BCR: variants seen among roughly 807,000 people sequenced by gnomAD.
BCR encodes breakpoint cluster region protein.
In BCR, 58 loss-of-function variants were observed where a neutral mutation model predicts 138.6. That is an observed-to-expected ratio of 0.42 (90% CI 0.34 to 0.52). BCR has a LOEUF of 0.52. Among genes scored for constraint, BCR ranks in the 20% least tolerant of loss-of-function variants. The probability of loss-of-function intolerance (pLI) is 0.06; values close to 1 mark genes in which losing one functional copy is unlikely to be tolerated. For synonymous variants in BCR, 786 were observed against 730.1 expected (o/e 1.08, Z -1.23); for missense variants, 1,599 against 1,727.2 (o/e 0.93, Z 1.32).
intron 13 of BCR, chr22:23,289,868 A>G (rs770851550): frequency 1.4e-5 from 8 of 559,226 alleles, no homozygotes; most frequent in Admixed American, 9.4e-5. Context: ...TCCTAGTCAC[A>G]AGGCTGCAGC....
chr22:23,252,405 G>A (rs569026429), intron 1 of BCR, among the ~76,000 whole-genome samples: 1 of 151,266 alleles, frequency 6.6e-6, no homozygotes, highest in African/African-American at 2.4e-5. Flanking sequence ...TAACATTTTG[G>A]GTTTCCCTTT....
chr22:23,199,641 G>A (rs74514416), intron 1 of BCR, among the ~76,000 whole-genome samples: 4,600 of 152,258 alleles, frequency 0.03, 250 homozygotes, highest in African/African-American at 0.11. Flanking sequence ...GGACTGGGGT[G>A]CCCTGTCTCC....
chr22:23,296,844 C>T lies in BCR; in HGVS notation c.3012+1689C>T, dbSNP rs1433343609. On this transcript the variant is annotated intron_variant, in intron 16 of 22. Transcript: ENST00000305877. Reference sequence around the variant, plus strand: ...GTCCCACTGCACTGTCTTGTTCACTCTGCCAGCCTTTGTGTGGATTCTCAT... The same window carrying T: ...GTCCCACTGCACTGTCTTGTTCACTTTGCCAGCCTTTGTGTGGATTCTCAT... Among the ~76,000 whole-genome samples, 3 of 152,382 alleles carry T rather than the reference C, an allele frequency of 2.0e-5. No homozygotes were observed. The South Asian group carries it at 6.2e-4, about 32-fold the overall frequency.
chr22:23,199,275 C>G (rs767957712), intron 1 of BCR: 2 of 518,846 alleles, frequency 3.9e-6, no homozygotes, highest in East Asian at 1.1e-4. Context: ...CAGGAAGGCT[C>G]TAGAAAGGAA....
chr22:23,290,283 C>T, intron 13 of BCR, 56 bp from the exon 14 acceptor site: 2 of 1,543,452 alleles, frequency 1.3e-6, no homozygotes. Context: ...GTTAGCTTGT[C>T]ACCTGCCTCC....
chr22:23,210,926 A>C (rs1459314985), intron 1 of BCR, among the ~76,000 whole-genome samples: 2 of 152,170 alleles, frequency 1.3e-5, no homozygotes, highest in African/African-American at 2.4e-5. Flanking sequence ...CATACCATAG[A>C]GTTCACCCGT....
intron 1 of BCR, among the ~76,000 whole-genome samples, chr22:23,200,930 A>G (rs1444362730): frequency 6.6e-6 from 1 of 152,220 alleles, no homozygotes; most frequent in Non-Finnish European, 1.5e-5. Flanking sequence ...TCACTTCACC[A>G]GGACTTCTGC....
At chr22:23,265,511 A>G (rs1367356656) in intron 4 of BCR, among the ~76,000 whole-genome samples, 1 of 152,252 alleles carries the variant, frequency 6.6e-6, no homozygotes. Flanking sequence ...ATCCACGTCC[A>G]GTGGTTCAGA....
chr22:23,260,837 G>C (rs1378674444), intron 2 of BCR, 113 bp from the exon 3 acceptor site: 2 of 974,574 alleles, frequency 2.1e-6, no homozygotes, highest in Non-Finnish European at 1.6e-6. Context: ...AGCCTTTGTG[G>C]GGGCAGGGGT....
intron 9 of BCR, among the ~76,000 whole-genome samples, chr22:23,284,684 T>C (rs1167942722): frequency 6.6e-6 from 1 of 152,176 alleles, no homozygotes; most frequent in Non-Finnish European, 1.5e-5. Context: ...AGATCTGTAG[T>C]CCCTCAAACT....
intron 8 of BCR, 119 bp downstream of exon 8, chr22:23,273,893 T>C (rs1340102326): frequency 3.6e-6 from 5 of 1,389,610 alleles, no homozygotes; most frequent in Non-Finnish European, 2.0e-6. Flanking sequence ...CCTTCTGGGA[T>C]TGGTGAGATT....
chr22:23,252,931 G>C (rs1431920399), intron 1 of BCR, among the ~76,000 whole-genome samples: 1 of 152,202 alleles, frequency 6.6e-6, no homozygotes. Context: ...GTTAGCATCA[G>C]ATCCCACTGT....
In BCR at chr22:23,262,853, C is replaced by T. The variant is rs1004713513; in HGVS notation, c.1752+1313C>T. 2.9e-6 allele frequency: 3 copies of T among 1,044,114 alleles called. No homozygotes were observed. In the African/African-American group the frequency reaches 5.1e-5, roughly 18 times the overall value. The allele number at this position is 1,044,114 out of a possible 1,614,324, so 64.7% of individuals were successfully genotyped here. A position where few individuals can be genotyped will look rare whatever the true frequency, so the allele number is the denominator to read the frequency against. ...AGAGGAAGCAGGGCGGAAGGGAAGC[C>T]CGGGCCGCAGACGGCGAAGGAGGCA... is the stretch of plus-strand genomic sequence containing the variant. On this transcript the variant is annotated intron_variant, in intron 4 of 22. Coordinates refer to ENST00000305877, the MANE Select transcript of BCR (RefSeq NM_004327.4).
chr22:23,198,117 G>A (rs958119843), intron 1 of BCR: 2 of 293,308 alleles, frequency 6.8e-6, no homozygotes, highest in Admixed American at 3.9e-5. Flanking sequence ...GGAAGTGACT[G>A]TTAGGAGGTT....
chr22:23,300,995 C>T (rs757989236), intron 16 of BCR, among the ~76,000 whole-genome samples: 11 of 152,202 alleles, frequency 7.2e-5, no homozygotes, highest in Non-Finnish European at 1.3e-4. Flanking sequence ...ATAGACAGGG[C>T]TAACATGATT....
At chr22:23,227,872 T>C (rs564788690) in intron 1 of BCR, among the ~76,000 whole-genome samples, 3 of 152,328 alleles carry the variant, frequency 2.0e-5, no homozygotes, top group Non-Finnish European at 4.4e-5. Flanking sequence ...CAGGTTACTG[T>C]TGGCCCCAGG....
chr22:23,198,275 G>T (rs999663649), intron 1 of BCR: 1 of 448,446 alleles, frequency 2.2e-6, no homozygotes, highest in Admixed American at 2.6e-5. Flanking sequence ...AGTGTCCACC[G>T]TCGGCCTGCT....
At chr22:23,288,963 C>T (rs1287653310) in intron 12 of BCR, among the ~76,000 whole-genome samples, 2 of 152,174 alleles carry the variant, frequency 1.3e-5, no homozygotes, top group East Asian at 3.9e-4. Flanking sequence ...CACCTCTCGG[C>T]CCCCAATGCC....
In BCR at chr22:23,253,710, A is replaced by G. The variant is rs2073258812; in HGVS notation, c.1280-89A>G. On this transcript the variant is annotated intron_variant, in intron 1 of 22. Coordinates refer to ENST00000305877, the MANE Select transcript of BCR (RefSeq NM_004327.4). ...TGTGAGATGCCTGTTGGGGACAGAG[A>G]TGGTGTCAGCTGGGTGCTTGCTGGG... 5 of 1,466,570 alleles carry G rather than the reference A, an allele frequency of 3.4e-6. No homozygotes were observed. The East Asian group carries it at 7.0e-5, about 20-fold the overall frequency. The allele number at this position is 1,466,570 out of a possible 1,614,324, so 90.8% of individuals were successfully genotyped here.
Sources: gnomAD v4.1 joint callset for allele counts (sites outside exome capture counted in the v4.1 genomes callset) on GRCh38, gnomAD v4.1.1 for gene constraint, MANE v1.5 for transcripts, NCBI Gene and HGNC (gene_info 2026-07-23, HGNC 2026-07-21) for gene names.